SAMD3: variants seen among roughly 807,000 people sequenced by gnomAD.
SAMD3 encodes sterile alpha motif domain containing 3, also known as sterile alpha motif domain-containing protein 3.
SAMD3 carries 63 observed loss-of-function variants against 58.5 expected under a neutral mutation model. The observed-to-expected ratio is 1.08, with a 90% CI of 0.88 to 1.33. SAMD3 has a LOEUF of 1.33. Among genes scored for constraint, SAMD3 ranks in the 40% most tolerant of loss-of-function variants. The pLI is 0.00. For synonymous variants in SAMD3, 220 were observed against 210.3 expected, an observed-to-expected ratio of 1.05 and a Z score of -0.40; for missense variants, 604 against 608.4, an observed-to-expected ratio of 0.99 and a Z score of 0.08.
At chr6:130,149,008 C>T (rs940921349) in intron 9 of SAMD3, among the ~76,000 whole-genome samples, 3 of 152,176 alleles carry the variant, frequency 2.0e-5, no homozygotes, top group Admixed American at 1.3e-4. Flanking sequence ...GATCCAGAAA[C>T]ACCAATAACT....
At chr6:130,279,587 C>T (rs12198835) in intron 2 of SAMD3, among the ~76,000 whole-genome samples, 15,475 of 149,454 alleles carry the variant, frequency 0.1, 1,007 homozygotes, top group Admixed American at 0.15. Context: ...CAGGTTCAAG[C>T]GATTCTCCTG....
chr6:130,172,158 T>C (rs1387306626), intron 8 of SAMD3, among the ~76,000 whole-genome samples: 2 of 152,232 alleles, frequency 1.3e-5, no homozygotes, highest in Admixed American at 6.5e-5. Flanking sequence ...CTTGACTCTT[T>C]ATCCAATTTG....
intron 2 of SAMD3, among the ~76,000 whole-genome samples, chr6:130,268,633 A>T (rs1314135898): frequency 6.6e-6 from 1 of 152,170 alleles, no homozygotes; most frequent in Non-Finnish European, 1.5e-5. Flanking sequence ...TTAGATACAT[A>T]CTTACCATTG....
intron 2 of SAMD3, among the ~76,000 whole-genome samples, chr6:130,257,097 G>C (rs987599701): frequency 6.6e-6 from 1 of 152,112 alleles, no homozygotes; most frequent in Non-Finnish European, 1.5e-5. Context: ...TAAAGACTAA[G>C]GTTGGGGTCC....
chr6:130,272,741 G>T (rs775598629), intron 2 of SAMD3, among the ~76,000 whole-genome samples: 1 of 152,076 alleles, frequency 6.6e-6, no homozygotes, highest in Non-Finnish European at 1.5e-5. Flanking sequence ...ATGAAGTCTT[G>T]CTATGTTGCC....
rs142444374 is a variant in SAMD3 at position 130,344,408 on chromosome 6, G to A, written c.-304+20712C>T. On this transcript the variant is annotated intron_variant, in intron 1 of 13. Transcript: ENST00000368134. ...GGCTTCTTTTTTTACGGGGGACAGAGTCTCGCTCTGTCGCCCAGGCTGGAG... is the reference window on the plus strand; with the variant it reads ...GGCTTCTTTTTTTACGGGGGACAGAATCTCGCTCTGTCGCCCAGGCTGGAG... Among the ~76,000 whole-genome samples the A allele has an allele frequency of 1.5e-3, 234 of 152,244 alleles. 2 individuals carry two copies. Among genetic ancestry groups the A allele is most frequent in the African/African-American group, 5.3e-3 (220 of 41,532 alleles).
chr6:130,242,544 T>G (rs574796026), intron 2 of SAMD3, among the ~76,000 whole-genome samples: 2 of 152,172 alleles, frequency 1.3e-5, no homozygotes, highest in African/African-American at 2.4e-5. Context: ...AGGTAATACA[T>G]TAGATGATGA....
intron 8 of SAMD3, among the ~76,000 whole-genome samples, chr6:130,156,414 A>T (rs1449528350): frequency 6.6e-6 from 1 of 152,198 alleles, no homozygotes; most frequent in Non-Finnish European, 1.5e-5. Flanking sequence ...AGAACAGTGT[A>T]AGAAAGGAAA....
intron 1 of SAMD3, among the ~76,000 whole-genome samples, chr6:130,346,842 A>T (rs1777470395): frequency 6.6e-6 from 1 of 152,162 alleles, no homozygotes; most frequent in South Asian, 2.1e-4. Context: ...GTAGGGGTGG[A>T]CTGACACCTC....
At chr6:130,347,746 G>A (rs535653609) in intron 1 of SAMD3, among the ~76,000 whole-genome samples, 101 of 152,140 alleles carry the variant, frequency 6.6e-4, no homozygotes, top group African/African-American at 2.3e-3. Flanking sequence ...GATACTCCTT[G>A]AAAATAGCAA....
At chr6:130,201,401 G>A (rs773055931) in intron 5 of SAMD3, among the ~76,000 whole-genome samples, 1 of 152,086 alleles carries the variant, frequency 6.6e-6, no homozygotes, top group African/African-American at 2.4e-5. Flanking sequence ...TACTCAAAAC[G>A]TGGTCTTAGA....
At chr6:130,235,704 G>T (rs1773125182) in intron 2 of SAMD3, among the ~76,000 whole-genome samples, 1 of 152,158 alleles carries the variant, frequency 6.6e-6, no homozygotes, top group Non-Finnish European at 1.5e-5. Context: ...TTGCTTCTCA[G>T]TATTCAAAAA....
At chr6:130,221,042 G>A (rs1796199713) in intron 1 of SAMD3, among the ~76,000 whole-genome samples, 1 of 151,912 alleles carries the variant, frequency 6.6e-6, no homozygotes, top group East Asian at 1.9e-4. Context: ...TTTTAGTAGA[G>A]ACGGGGTTTC....
At chr6:130,293,305 G>A (rs118142928) in intron 2 of SAMD3, among the ~76,000 whole-genome samples, 110 of 152,250 alleles carry the variant, frequency 7.2e-4, no homozygotes, top group Non-Finnish European at 1.2e-3. Flanking sequence ...AGTGTGAGCT[G>A]AGCTTGCTGT....
chr6:130,226,828 CA>C (rs570393828), upstream of SAMD3, among the ~76,000 whole-genome samples: 14 of 145,600 alleles, frequency 9.6e-5, no homozygotes, highest in African/African-American at 2.0e-4. Context: ...AACTCTGTCT[CA>C]AAAAAAAAAA....
At chr6:130,306,974 C>T (rs553793383) in intron 2 of SAMD3, among the ~76,000 whole-genome samples, 19 of 152,312 alleles carry the variant, frequency 1.2e-4, no homozygotes, top group Admixed American at 2.6e-4. Context: ...ACAAAAGATG[C>T]GGATGATCTA....
chr6:130,227,305 C>A (rs1796408148), upstream of SAMD3, among the ~76,000 whole-genome samples: 2 of 152,158 alleles, frequency 1.3e-5, no homozygotes, highest in South Asian at 4.1e-4. Context: ...GAATCGCCTT[C>A]ATTTTTAAGG....
At chr6:130,239,606 G>T (rs1173893261) in intron 2 of SAMD3, among the ~76,000 whole-genome samples, 2 of 152,128 alleles carry the variant, frequency 1.3e-5, no homozygotes, top group Non-Finnish European at 2.9e-5. Context: ...CTGTAGAGGG[G>T]AGGTAAGAGA....
chr6:130,316,566 C>T (rs2114995254), intron 1 of SAMD3, among the ~76,000 whole-genome samples: 1 of 152,168 alleles, frequency 6.6e-6, no homozygotes, highest in Middle Eastern at 3.4e-3. Context: ...TTATGTTATC[C>T]TTACACCTCA....
Sources: allele counts gnomAD v4.1 joint callset (sites outside exome capture counted in the v4.1 genomes callset), GRCh38; gene constraint gnomAD v4.1.1; transcripts MANE v1.5; gene names NCBI Gene and HGNC (gene_info 2026-07-23, HGNC 2026-07-21).